The following BICD1 variants were observed in gnomAD, a reference collection of about 807,000 sequenced individuals.
BICD1 encodes BICD cargo adaptor 1.
Under a neutral mutation model 92.5 loss-of-function variants are expected in BICD1, and 35 were observed. The ratio of observed to expected loss-of-function variants is 0.38; its 90% CI spans 0.29 to 0.50. BICD1 has a LOEUF of 0.50. BICD1 is among the 20% of genes least tolerant of loss of function. BICD1 has a pLI of 0.93. For synonymous variants in BICD1, 429 were observed against 465.1 expected (o/e 0.92, Z 1.00); for missense variants, 950 against 1,189.8 (o/e 0.80, Z 2.97).
chr12:32,118,249 A>G (rs1004711648), intron 1 of BICD1, among the ~76,000 whole-genome samples: 4 of 150,382 alleles, frequency 2.7e-5, no homozygotes, highest in East Asian at 2.0e-4. Context: ...CGCCTGGCCA[A>G]TTTTTGTATT....
chr12:32,142,930 G>C (rs1942991845), intron 1 of BICD1, among the ~76,000 whole-genome samples: 1 of 152,124 alleles, frequency 6.6e-6, no homozygotes, highest in African/African-American at 2.4e-5. Flanking sequence ...CACTCCATGA[G>C]GCTTAACTAT....
intron 1 of BICD1, among the ~76,000 whole-genome samples, chr12:32,206,042 T>C (rs890667809): frequency 6.6e-6 from 1 of 152,222 alleles, no homozygotes; most frequent in Admixed American, 6.5e-5. Flanking sequence ...AGTAGTTTAC[T>C]CCTTTTTATT....
chr12:32,301,842 G>A lies in BICD1; in HGVS notation c.580-3855G>A, dbSNP rs541338067. On this transcript the variant is annotated intron_variant, in intron 3 of 9. Coordinates refer to ENST00000652176, the MANE Select transcript of BICD1 (RefSeq NM_001714.4). Reference sequence around the variant, plus strand: ...CAGTGCTCACTTACAGGTGATTTTTGTGCTCTGTGAAGGTGGGCCCAGTGT... The same window carrying A: ...CAGTGCTCACTTACAGGTGATTTTTATGCTCTGTGAAGGTGGGCCCAGTGT... Among the ~76,000 whole-genome samples the A allele has an allele frequency of 4.6e-5, 7 of 152,228 alleles. No homozygotes were observed. The South Asian group carries it at 8.3e-4, about 18-fold the overall frequency.
intron 5 of BICD1, among the ~76,000 whole-genome samples, chr12:32,333,594 A>T (rs188295430): frequency 1.5e-3 from 222 of 152,338 alleles, no homozygotes; most frequent in Non-Finnish European, 2.5e-3. Flanking sequence ...GTTCATTAGT[A>T]TGGGGTATTT....
At chr12:32,181,176 T>C (rs11051835) in intron 1 of BICD1, among the ~76,000 whole-genome samples, 18,754 of 151,698 alleles carry the variant, frequency 0.12, 1,657 homozygotes, top group East Asian at 0.29. Flanking sequence ...CCCCAGCAGT[T>C]TGGGAGGCCG....
chr12:32,257,207 G>A (rs570967334), intron 2 of BICD1, among the ~76,000 whole-genome samples: 1,131 of 67,432 alleles, frequency 0.017, 11 homozygotes, highest in East Asian at 0.058. Context: ...GGGAGACTCT[G>A]TCTCAAAAAA....
At chr12:32,346,592 A>ATATATATATACGTG (rs1938612745) in intron 8 of BICD1, among the ~76,000 whole-genome samples, 5 of 14,732 alleles carry the variant, frequency 3.4e-4, no homozygotes, top group African/African-American at 9.6e-4. Context: ...ACGTGTATAT[A>ATATATATATACGTG]TATATATATA....
intron 1 of BICD1, among the ~76,000 whole-genome samples, chr12:32,147,015 C>A (rs1943134143): frequency 6.6e-6 from 1 of 151,874 alleles, no homozygotes; most frequent in Admixed American, 6.6e-5. Context: ...TCATAGCTCA[C>A]TGCAGCCTCG....
In BICD1 at chr12:32,305,919, G is replaced by T; in HGVS notation, c.802G>T (p.Asp268Tyr). Reference protein sequence around the residue: ...LNDNHISISVDGLKFAEDGSE... With the variant: ...LNDNHISISVYGLKFAEDGSE... ...TGATAACCATATCAGCATCTCAGTA[G>T]ATGGACTCAAATTTGCCGAGGATGG... is the stretch of plus-strand genomic sequence containing the variant. Residue 268 changes from aspartate to tyrosine, a missense_variant, in exon 4 of 10, where the codon GAT becomes TAT. Transcript: ENST00000652176. 6.2e-7 allele frequency: 1 copy of T among 1,614,198 alleles called. No homozygotes were observed. Among genetic ancestry groups the T allele is most frequent in the Non-Finnish European group, 8.5e-7 (1 of 1,180,038 alleles).
At chr12:32,356,739 G>T (rs1448763657) in intron 8 of BICD1, among the ~76,000 whole-genome samples, 2 of 152,206 alleles carry the variant, frequency 1.3e-5, no homozygotes, top group Non-Finnish European at 1.5e-5. Flanking sequence ...TAAGACTCCA[G>T]TGCATCTAAG....
At chr12:32,236,872 CTTTTTTTTT>C (rs57318640) in intron 2 of BICD1, among the ~76,000 whole-genome samples, 2 of 89,320 alleles carry the variant, frequency 2.2e-5, no homozygotes, top group African/African-American at 4.7e-5. Flanking sequence ...AAGTCTAATT[CTTTTTTTTT>C]TTTTTTTTTT....
chr12:32,252,930 G>A (rs1946606304), intron 2 of BICD1, among the ~76,000 whole-genome samples: 1 of 152,116 alleles, frequency 6.6e-6, no homozygotes, highest in Admixed American at 6.6e-5. Flanking sequence ...GGAGTGCAGT[G>A]GCATGATCAT....
At chr12:32,376,866 T>TA (rs199521839) in intron 9 of BICD1, among the ~76,000 whole-genome samples, 2 of 44,750 alleles carry the variant, frequency 4.5e-5, no homozygotes, top group Admixed American at 3.2e-4. Context: ...AGACTCCATC[T>TA]AAAAAAAAAA....
intron 9 of BICD1, among the ~76,000 whole-genome samples, chr12:32,376,595 C>T (rs896577211): frequency 1.7e-4 from 26 of 148,876 alleles, no homozygotes; most frequent in Middle Eastern, 3.4e-3. Context: ...AGGCTGGGCT[C>T]GGTGGCTCAC....
chr12:32,202,060 C>T (rs1326760914), intron 1 of BICD1, among the ~76,000 whole-genome samples: 1 of 152,186 alleles, frequency 6.6e-6, no homozygotes, highest in Non-Finnish European at 1.5e-5. Context: ...ATATATAATA[C>T]TTATGGAACA....
intron 3 of BICD1, among the ~76,000 whole-genome samples, chr12:32,296,850 C>T (rs1947889631): frequency 6.6e-6 from 1 of 152,176 alleles, no homozygotes; most frequent in African/African-American, 2.4e-5. Context: ...GATGCCGGTT[C>T]TGGGAGAATT....
At position 32,377,669 on chromosome 12, in the gene BICD1, T is replaced by C. The variant is rs200192841; in HGVS notation, c.*42T>C. 3.3e-6 allele frequency: 5 copies of C among 1,537,298 alleles called. No individual in the cohort carries two copies. The highest frequency in any genetic ancestry group is 4.5e-6 in the Non-Finnish European group (5 of 1,110,312). On this transcript the variant is annotated 3_prime_UTR_variant, in exon 10 of 10. Transcript: ENST00000652176. The stretch of plus-strand genomic sequence containing the variant: ...ACGAACATCTGGGGTGGAAGTTTTG[T>C]AGCCACACACAGGATACTGCCCAAG...
At position 32,328,167 on chromosome 12, in the gene BICD1, C is replaced by T. The variant is rs913043415; in HGVS notation, c.1712C>T (p.Pro571Leu). ...PRLARRGVSS[P>L]VETRTSSEPV... ...TTAGCCAGGCGGGGTGTGTCATCCC[C>T]GGTAGAAACAAGGACCTCATCTGAA... The change falls in exon 5 of 10, where the codon CCG (proline) becomes CTG (leucine). Residue 571 changes from proline to leucine, a missense_variant. By Grantham distance (98) the Pro-to-Leu change is moderately conservative. Coordinates refer to ENST00000652176, the MANE Select transcript of BICD1 (RefSeq NM_001714.4). The surrounding 1 kb of genome is among the most constrained non-coding windows in gnomAD (Gnocchi z 4.4). 1.5e-5 allele frequency: 25 copies of T among 1,613,924 alleles called. No homozygotes were observed. Among genetic ancestry groups the T allele is most frequent in the African/African-American group, 2.7e-5 (2 of 74,854 alleles).
chr12:32,267,976 T>TG lies in BICD1; in HGVS notation c.427-26017dup, dbSNP rs966548044. On this transcript the variant is annotated intron_variant, in intron 2 of 9. Transcript: ENST00000652176. ...CATCACTTCTGGCTAATTTAAAAAG[T>TG]GTTTTTTTTGAAGAAATGGTGTCTT... 5.0e-5 allele frequency among the ~76,000 whole-genome samples: 6 copies of TG among 120,628 alleles called. No individual in the cohort carries two copies. In the South Asian group the frequency reaches 9.0e-4, roughly 18 times the overall value. 79.1% of individuals were successfully genotyped at this position (120,628 alleles called of 152,430 possible).
Sources: gnomAD v4.1 joint callset for allele counts (sites outside exome capture counted in the v4.1 genomes callset) on GRCh38, gnomAD v4.1.1 for gene constraint, Gnocchi (gnomAD v3.1) non-coding constraint, MANE v1.5 for transcripts, NCBI Gene and HGNC (gene_info 2026-07-23, HGNC 2026-07-21) for gene names.